The following MYO3A variants were observed in gnomAD, a reference collection of about 807,000 sequenced individuals.
MYO3A encodes myosin IIIA.
In MYO3A, 180 loss-of-function variants were observed where a neutral mutation model predicts 192.7. The ratio of observed to expected loss-of-function variants is 0.93; its 90% CI spans 0.83 to 1.06. The LOEUF is 1.06. Ranked by LOEUF, MYO3A falls within the 50% of genes least tolerant of loss-of-function variation. The pLI is 0.00. For missense variants in MYO3A, 1,896 were observed against 1,905.0 expected, an observed-to-expected ratio of 1.00 and a Z score of 0.09; for synonymous variants, 628 against 645.3, an observed-to-expected ratio of 0.97 and a Z score of 0.41.
At chr10:26,185,677 C>T (rs2132107976) in intron 31 of MYO3A, among the ~76,000 whole-genome samples, 2 of 152,170 alleles carry the variant, frequency 1.3e-5, no homozygotes. Context: ...GTTTTGTTTT[C>T]TTTTTCTCTT....
intron 29 of MYO3A, among the ~76,000 whole-genome samples, chr10:26,172,185 C>T (rs2132026934): frequency 6.6e-6 from 1 of 152,324 alleles, no homozygotes; most frequent in Admixed American, 6.5e-5. Context: ...ATCTGCGGGC[C>T]AGCACTCCCT....
chr10:26,075,705 A>G (rs12775546), intron 14 of MYO3A, among the ~76,000 whole-genome samples: 2 of 145,258 alleles, frequency 1.4e-5, no homozygotes, highest in Non-Finnish European at 3.0e-5. Context: ...TGATATATAT[A>G]TGTCTCTCTC....
intron 24 of MYO3A, among the ~76,000 whole-genome samples, 199 bp from the exon 25 acceptor site, chr10:26,154,547 T>C (rs1474966792): frequency 6.6e-6 from 1 of 152,180 alleles, no homozygotes. Context: ...ATGAGAGATA[T>C]TCACAGTCTA....
intron 4 of MYO3A, among the ~76,000 whole-genome samples, chr10:25,985,499 C>T (rs551649660): frequency 1.1e-4 from 17 of 151,836 alleles, no homozygotes; most frequent in South Asian, 2.1e-4. Context: ...TAATTGAAAA[C>T]GAAATGGGAG....
At chr10:26,047,082 C>G (rs572978018) in intron 10 of MYO3A, among the ~76,000 whole-genome samples, 1 of 152,194 alleles carries the variant, frequency 6.6e-6, no homozygotes, top group East Asian at 1.9e-4. Flanking sequence ...ATTAAATGGA[C>G]TCAATTGTTT....
intron 20 of MYO3A, among the ~76,000 whole-genome samples, chr10:26,141,392 T>G (rs1164812615): frequency 6.6e-6 from 1 of 152,226 alleles, no homozygotes; most frequent in Non-Finnish European, 1.5e-5. Flanking sequence ...TTTTATAAAT[T>G]CTGAGTAATA....
intron 4 of MYO3A, among the ~76,000 whole-genome samples, chr10:25,994,048 A>G (rs916587528): frequency 3.9e-5 from 6 of 152,056 alleles, no homozygotes; most frequent in Non-Finnish European, 5.9e-5. Context: ...GCAGAGCTGA[A>G]TTCAATTCCT....
Position 26,212,116 on chromosome 10 carries a change from C to A in MYO3A, c.*153C>A. On this transcript the variant is annotated 3_prime_UTR_variant, in exon 35 of 35. Coordinates refer to ENST00000642920, the MANE Select transcript of MYO3A (RefSeq NM_017433.5). ...CCTGCTGCGCTCGGCCCTCAAGTGC[C>A]CGGGCCGGCCTTCGTGCTCCGAAAC... 1 of 1,167,440 alleles carries A rather than the reference C, an allele frequency of 8.6e-7. No individual in the cohort carries two copies. The highest frequency in any genetic ancestry group is 1.2e-6 in the Non-Finnish European group (1 of 860,408). The allele number at this position is 1,167,440 out of a possible 1,614,324, so 72.3% of individuals were successfully genotyped here.
At chr10:26,184,208 T>TG (rs955403629) in intron 31 of MYO3A, among the ~76,000 whole-genome samples, 2 of 152,216 alleles carry the variant, frequency 1.3e-5, no homozygotes, top group African/African-American at 4.8e-5. Flanking sequence ...ACAGCCAGCC[T>TG]GGCCAAGGGC....
chr10:26,104,636 A>T (rs1046648985), intron 17 of MYO3A, among the ~76,000 whole-genome samples: 5 of 151,964 alleles, frequency 3.3e-5, no homozygotes, highest in African/African-American at 4.8e-5. Flanking sequence ...TTCTTTTTTT[A>T]AAATTTTTTT....
chr10:26,003,418 A>G (rs1282686513), intron 6 of MYO3A, among the ~76,000 whole-genome samples: 1 of 152,204 alleles, frequency 6.6e-6, no homozygotes, highest in Non-Finnish European at 1.5e-5. Context: ...ATATGAAGCT[A>G]CCTAATTACA....
At chr10:26,116,334 C>T (rs1040647487) in intron 17 of MYO3A, among the ~76,000 whole-genome samples, 2 of 152,306 alleles carry the variant, frequency 1.3e-5, no homozygotes, top group Middle Eastern at 3.4e-3. Context: ...CACCCCATCT[C>T]CACCTAAATT....
chr10:26,111,858 G>A (rs1838202613), intron 17 of MYO3A, among the ~76,000 whole-genome samples: 1 of 152,206 alleles, frequency 6.6e-6, no homozygotes, highest in Non-Finnish European at 1.5e-5. Flanking sequence ...CAATAAACAA[G>A]ACAGTGCCTG....
chr10:26,153,892 A>C lies in MYO3A; in HGVS notation c.2678A>C (p.Gln893Pro). Residue 893 changes from glutamine (Q) to proline (P), a missense_variant, in exon 24 of 35, where the codon CAA (glutamine) becomes CCA (proline). Physicochemically the swap from Gln to Pro is moderately conservative, Grantham distance 76. Transcript: ENST00000642920. Reference sequence around the variant, plus strand: ...AAAACTAAAAATGTTATAAACTATCAAATGAGGACTTCAGAAAAATTAATC... The same window carrying C: ...AAAACTAAAAATGTTATAAACTATCCAATGAGGACTTCAGAAAAATTAATC... ...HSKTKNVINY[Q>P]MRTSEKLINL... is the part of the protein sequence containing the mutation. The C allele has an allele frequency of 1.9e-6, 3 of 1,596,220 alleles. No individual in the cohort carries two copies. The highest frequency in any genetic ancestry group is 2.6e-6 in the Non-Finnish European group (3 of 1,164,050).
intron 20 of MYO3A, among the ~76,000 whole-genome samples, chr10:26,132,303 T>C (rs1839585214): frequency 6.6e-6 from 1 of 152,220 alleles, no homozygotes; most frequent in Non-Finnish European, 1.5e-5. Flanking sequence ...ACATACCTTG[T>C]CAAAAGTGTT....
chr10:26,070,531 T>A, intron 14 of MYO3A, 130 bp downstream of exon 14: 1 of 861,416 alleles, frequency 1.2e-6, no homozygotes, highest in Non-Finnish European at 1.8e-6. Flanking sequence ...AATACAGTTG[T>A]TATCCTTTGA....
chr10:26,090,430 G>GT (rs554038086), intron 15 of MYO3A, among the ~76,000 whole-genome samples: 1 of 152,146 alleles, frequency 6.6e-6, no homozygotes, highest in African/African-American at 2.4e-5. Flanking sequence ...GAATTAAGTA[G>GT]TTTTTTTCCC....
At chr10:26,157,001 T>C (rs1841174777) in intron 25 of MYO3A, among the ~76,000 whole-genome samples, 1 of 152,214 alleles carries the variant, frequency 6.6e-6, no homozygotes, top group Admixed American at 6.5e-5. Flanking sequence ...AGTATATAAT[T>C]GCTTACAAAC....
intron 6 of MYO3A, among the ~76,000 whole-genome samples, chr10:26,008,192 G>A (rs1588762376): frequency 6.8e-6 from 1 of 147,902 alleles, no homozygotes; most frequent in African/African-American, 2.6e-5. Flanking sequence ...GTAGAAAGCT[G>A]AAACTGGATC....
Sources: gnomAD v4.1 joint callset for allele counts (sites outside exome capture counted in the v4.1 genomes callset) on GRCh38, gnomAD v4.1.1 for gene constraint, MANE v1.5 for transcripts, NCBI Gene and HGNC (gene_info 2026-07-23, HGNC 2026-07-21) for gene names.